LHPP: variants seen among roughly 807,000 people sequenced by gnomAD.
The protein encoded by LHPP is hLHPP.
In LHPP, 24 loss-of-function variants were observed where a neutral mutation model predicts 30.3. The observed-to-expected ratio is 0.79, with a 90% CI of 0.57 to 1.11. LHPP has a LOEUF of 1.11. Ranked by LOEUF, LHPP falls within the 50% of genes most tolerant of loss-of-function variation. The pLI is 0.00. For missense variants in LHPP, 356 were observed against 367.2 expected (o/e 0.97, Z 0.25); for synonymous variants, 150 against 157.1 (o/e 0.95, Z 0.34).
intron 6 of LHPP, among the ~76,000 whole-genome samples, chr10:124,543,896 G>A (rs1160913985): frequency 1.3e-5 from 2 of 152,154 alleles, no homozygotes; most frequent in South Asian, 4.1e-4. Context: ...ATTTTGTTCA[G>A]CCTGTTTTTT....
In LHPP at chr10:124,574,719, G is replaced by A. The variant is rs527314669; in HGVS notation, c.717-38545G>A. 4.6e-5 allele frequency among the ~76,000 whole-genome samples: 7 copies of A among 152,318 alleles called. No homozygotes were observed. The East Asian group carries it at 1.4e-3, about 29-fold the overall frequency. Reference sequence around the variant, plus strand: ...AGGGGGGATTTGTAGGGACAGAGCAGGAGGGAGTGGAGCTGAGGCTGGGGG... The same window carrying A: ...AGGGGGGATTTGTAGGGACAGAGCAAGAGGGAGTGGAGCTGAGGCTGGGGG... On this transcript the variant is annotated intron_variant, in intron 6 of 6. Transcript: ENST00000368842.
intron 6 of LHPP, among the ~76,000 whole-genome samples, chr10:124,527,167 G>A (rs1191235113): frequency 6.6e-6 from 1 of 152,252 alleles, no homozygotes; most frequent in Non-Finnish European, 1.5e-5. Flanking sequence ...ACACGGCCAG[G>A]GCTGGTGGCG....
intron 3 of LHPP, among the ~76,000 whole-genome samples, chr10:124,489,535 A>G (rs1203121494): frequency 6.6e-6 from 1 of 151,692 alleles, no homozygotes; most frequent in Non-Finnish European, 1.5e-5. Flanking sequence ...GCTCGCTGCA[A>G]CCTCTCCCTC....
rs1589879188 is a variant in LHPP at position 124,576,926 on chromosome 10, A to G, written c.717-36338A>G. ...TGTCAAGGGGACTTGGCCCGCCATG[A>G]TCCTGAGTGCACAGGTACATTGCTC... On this transcript the variant is annotated intron_variant, in intron 6 of 6. Transcript: ENST00000368842. This position sits in a 1 kb window ranked among gnomAD's most constrained non-coding sequence, Gnocchi z 4.2. Among the ~76,000 whole-genome samples, 1 of 152,330 alleles carries G rather than the reference A, an allele frequency of 6.6e-6. No homozygotes were observed. Among genetic ancestry groups the G allele is most frequent in the African/African-American group, 2.4e-5 (1 of 41,564 alleles).
rs71504512 is a variant in LHPP, at chr10:124,610,546, T to C, written c.717-2718T>C. ...CGGGTGAGGGTGCTGATGGAGCGGGTGAGGGTGCGGGTGAGGGTGCTGGTG... is the reference window on the plus strand; with the variant it reads ...CGGGTGAGGGTGCTGATGGAGCGGGCGAGGGTGCGGGTGAGGGTGCTGGTG... On this transcript the variant is annotated intron_variant, in intron 6 of 6. Transcript: ENST00000368842. Among the ~76,000 whole-genome samples, 68 of 7,604 alleles carry C rather than the reference T, an allele frequency of 8.9e-3. 5 individuals are homozygous for C. Among genetic ancestry groups the C allele is most frequent in the East Asian group, 0.026 (3 of 114 alleles). The allele number at this position is 7,604 out of a possible 152,430, so 5.0% of individuals were successfully genotyped here. A position where few individuals can be genotyped will look rare whatever the true frequency, so the allele number is the denominator to read the frequency against.
intron 1 of LHPP, among the ~76,000 whole-genome samples, chr10:124,469,889 A>C (rs2133816059): frequency 6.6e-6 from 1 of 152,138 alleles, no homozygotes; most frequent in South Asian, 2.1e-4. Context: ...TCCCATGGCG[A>C]GGGAGCTGGG....
intron 6 of LHPP, among the ~76,000 whole-genome samples, chr10:124,598,602 A>C (rs744817): frequency 0.93 from 140,690 of 152,028 alleles, 65,298 homozygotes; most frequent in East Asian, 1. Flanking sequence ...AGCACGAGGA[A>C]TTGCTGGGAG....
intron 5 of LHPP, among the ~76,000 whole-genome samples, chr10:124,511,623 G>A (rs1024045589): frequency 9.2e-5 from 14 of 152,282 alleles, no homozygotes; most frequent in Admixed American, 9.2e-4. Flanking sequence ...TCTGGCCTCT[G>A]CTTGACTATG....
chr10:124,479,925 A>G (rs1382202514), intron 1 of LHPP, among the ~76,000 whole-genome samples: 4 of 152,122 alleles, frequency 2.6e-5, no homozygotes, highest in African/African-American at 4.8e-5. Context: ...TCGTTTACCC[A>G]GTGGGTACGA....
At position 124,517,381 on chromosome 10, in the gene LHPP, A is replaced by G; in HGVS notation, c.716+110A>G. 2.9e-6 allele frequency: 2 copies of G among 691,960 alleles called. No individual in the cohort carries two copies. Among genetic ancestry groups the G allele is most frequent in the Admixed American group, 3.3e-5 (1 of 30,414 alleles). 42.9% of individuals were successfully genotyped at this position (691,960 alleles called of 1,614,324 possible). On this transcript the variant is annotated intron_variant, in intron 6 of 6. Transcript: ENST00000368842. This position sits in a 1 kb window ranked among gnomAD's most constrained non-coding sequence, Gnocchi z 4.1. ...GGATATTCTTTCCAAATCAAAGAGC[A>G]GTATGTGGGCATTCACTATCTTGTA...
At chr10:124,470,736 A>T (rs953519350) in intron 1 of LHPP, among the ~76,000 whole-genome samples, 1 of 152,154 alleles carries the variant, frequency 6.6e-6, no homozygotes, top group East Asian at 1.9e-4. Flanking sequence ...CTATTGCCTC[A>T]TCCAACCCCC....
intron 5 of LHPP, among the ~76,000 whole-genome samples, chr10:124,507,261 G>A (rs746665941): frequency 1.5e-4 from 10 of 67,412 alleles, no homozygotes; most frequent in African/African-American, 1.6e-4. Context: ...AGGTCGGGGG[G>A]GTAGACAGGA....
At position 124,487,618 on chromosome 10, in the gene LHPP, T is replaced by C. The variant is rs577682316; in HGVS notation, c.314-804T>C. On this transcript the variant is annotated intron_variant, in intron 2 of 6. Transcript: ENST00000368842. The stretch of plus-strand genomic sequence containing the variant: ...CCACCGTGCCGGGCTGATTGTTGTA[T>C]TTTTAGTAGAGATGGGATTTTGACC... Among the ~76,000 whole-genome samples, 9 of 152,168 alleles carry C rather than the reference T, an allele frequency of 5.9e-5. No homozygotes were observed. The East Asian group carries it at 1.5e-3, about 26-fold the overall frequency.
chr10:124,497,081 T>A, intron 4 of LHPP, 57 bp downstream of exon 4: 1 of 1,400,552 alleles, frequency 7.1e-7, no homozygotes, highest in Non-Finnish European at 1.0e-6. Context: ...CCTGGGACTT[T>A]TTGGGTCTTT....
In LHPP at chr10:124,543,850, C is replaced by T. The variant is rs528423981; in HGVS notation, c.716+26579C>T. 1.0e-3 allele frequency among the ~76,000 whole-genome samples: 158 copies of T among 152,186 alleles called. 2 individuals are homozygous for T. The South Asian group carries it at 0.018, about 17-fold the overall frequency. ...TACAGAAAATCACAAAGAAAATAATCCACAATCCCACCTTCCAAAAGGAAC... is the reference window on the plus strand; with the variant it reads ...TACAGAAAATCACAAAGAAAATAATTCACAATCCCACCTTCCAAAAGGAAC... On this transcript the variant is annotated intron_variant, in intron 6 of 6. Transcript: ENST00000368842.
chr10:124,590,971 C>A lies in LHPP; in HGVS notation c.717-22293C>A, dbSNP rs553778541. Among the ~76,000 whole-genome samples the A allele has an allele frequency of 3.1e-4, 47 of 152,284 alleles. No homozygotes were observed. Among genetic ancestry groups the A allele is most frequent in the African/African-American group, 1.1e-3 (46 of 41,546 alleles). ...AGAAGCAGTCTCGCCCATCCTGGGG[C>A]CTGAGAGCATCATTCCTTTGTGAGA... is the stretch of plus-strand genomic sequence containing the variant. On this transcript the variant is annotated intron_variant, in intron 6 of 6. Transcript: ENST00000368842. The surrounding 1 kb of genome is among the most constrained non-coding windows in gnomAD (Gnocchi z 4.3).
chr10:124,488,559 A>G lies in LHPP; in HGVS notation c.451A>G (p.Ile151Val), dbSNP rs1953412392. 4.3e-6 allele frequency: 7 copies of G among 1,611,706 alleles called. No homozygotes were observed. In the South Asian group the frequency reaches 7.7e-5, roughly 18 times the overall value. Reference protein sequence around the residue: ...VLMELEKPVLISLGKGRYYKE... With the variant: ...VLMELEKPVLVSLGKGRYYKE... The stretch of plus-strand genomic sequence containing the variant: ...CATGGAGCTGGAAAAACCTGTGCTC[A>G]TATCACTGGGAAAAGGGTAAGTTGG... The change falls in exon 3 of 7, where the codon ATA (isoleucine) becomes GTA (valine). Residue 151 changes from isoleucine to valine, a missense_variant. Coordinates refer to ENST00000368842, the MANE Select transcript of LHPP (RefSeq NM_022126.4).
In LHPP at chr10:124,590,645, A is replaced by T. The variant is rs1208715190; in HGVS notation, c.717-22619A>T. Among the ~76,000 whole-genome samples the T allele has an allele frequency of 1.3e-5, 2 of 152,164 alleles. No homozygotes were observed. The highest frequency in any genetic ancestry group is 1.3e-4 in the Admixed American group (2 of 15,284). ...AGGACTCTCCCCACCCGCACAGTGT[A>T]CCTGTCCCACAGTGGCACCAACAAG... On this transcript the variant is annotated intron_variant, in intron 6 of 6. Coordinates refer to ENST00000368842, the MANE Select transcript of LHPP (RefSeq NM_022126.4). This position sits in a 1 kb window ranked among gnomAD's most constrained non-coding sequence, Gnocchi z 4.3.
chr10:124,498,594 T>A (rs1409424860), intron 5 of LHPP: 5 of 847,990 alleles, frequency 5.9e-6, no homozygotes, highest in Non-Finnish European at 8.9e-6. Flanking sequence ...ATGATTTTAT[T>A]GTCTACACCT....
Sources: gnomAD v4.1 joint callset for allele counts (sites outside exome capture counted in the v4.1 genomes callset) on GRCh38, gnomAD v4.1.1 for gene constraint, Gnocchi (gnomAD v3.1) non-coding constraint, MANE v1.5 for transcripts, NCBI Gene and HGNC (gene_info 2026-07-23, HGNC 2026-07-21) for gene names.